Variants in UCHL1 observed in about 807,000 individuals in gnomAD.
The protein encoded by UCHL1 is ubiquitin carboxyl-terminal hydrolase isozyme L1.
UCHL1 carries 5 observed loss-of-function variants against 33.3 expected under a neutral mutation model. The observed-to-expected ratio is 0.15, with a 90% CI of 0.08 to 0.32. UCHL1 has a LOEUF of 0.32. Among genes scored for constraint, UCHL1 ranks in the 10% least tolerant of loss-of-function variants. The pLI, the probability that UCHL1 is intolerant of heterozygous loss-of-function variation, is 1.00. For missense variants in UCHL1, 236 were observed against 280.0 expected, an observed-to-expected ratio of 0.84 and a Z score of 1.12; for synonymous variants, 132 against 108.8, an observed-to-expected ratio of 1.21 and a Z score of -1.33.
intron 4 of UCHL1, 136 bp from the exon 5 acceptor site, chr4:41,261,579 C>T (rs1252606477): frequency 5.6e-6 from 5 of 896,086 alleles, no homozygotes; most frequent in Non-Finnish European, 8.7e-6. Context: ...GGAAAAGGTA[C>T]AGCTCATCCA....
intron 3 of UCHL1, among the ~76,000 whole-genome samples, chr4:41,257,968 G>C (rs754053576): frequency 3.0e-4 from 46 of 152,338 alleles, no homozygotes; most frequent in Admixed American, 6.5e-4. Flanking sequence ...TTGGAAGAGA[G>C]GCAGTATCTC....
chr4:41,262,587 C>T (rs991722297), intron 6 of UCHL1, among the ~76,000 whole-genome samples: 1 of 151,772 alleles, frequency 6.6e-6, no homozygotes, highest in African/African-American at 2.4e-5. Flanking sequence ...ATGAGAACCT[C>T]TGAGTCAGCT....
intron 3 of UCHL1, among the ~76,000 whole-genome samples, chr4:41,259,461 C>G (rs1389442716): frequency 2.9e-4 from 44 of 152,270 alleles, no homozygotes; most frequent in African/African-American, 1.0e-3. Context: ...TCAATGAATA[C>G]TAAGTTGAGG....
In UCHL1 at chr4:41,261,054, T is replaced by C. The variant is rs73232147; in HGVS notation, c.325+257T>C. On this transcript the variant is annotated intron_variant, in intron 4 of 8. Coordinates refer to ENST00000284440, the MANE Select transcript of UCHL1 (RefSeq NM_004181.5). The stretch of plus-strand genomic sequence containing the variant: ...CTTTTGAAATATACATTGTTATTGC[T>C]ATAGGTTTGTAATTAGTGTCTCTTA... Among the ~76,000 whole-genome samples, 1,306 of 152,334 alleles carry C rather than the reference T, an allele frequency of 8.6e-3. 18 individuals are homozygous for C. The highest frequency in any genetic ancestry group is 0.028 in the South Asian group (137 of 4,826).
Position 41,261,898 on chromosome 4 carries a change from C to G in UCHL1, c.434C>G (p.Ala145Gly), listed in dbSNP as rs1479660729. The change falls in exon 6 of 9, where the codon GCC (alanine) becomes GGC (glycine). Residue 145 changes from alanine (A) to glycine (G), a missense_variant. By Grantham distance (60) the Ala-to-Gly change is moderately conservative. Coordinates refer to ENST00000284440, the MANE Select transcript of UCHL1 (RefSeq NM_004181.5). ...CAGGCCATACAGGCAGCCCATGATG[C>G]CGTGGCACAGGAAGGCCAATGTCGG... is the stretch of plus-strand genomic sequence containing the variant. Reference protein sequence around the residue: ...KNEAIQAAHDAVAQEGQCRVD... With the variant: ...KNEAIQAAHDGVAQEGQCRVD... 1 of 1,614,080 alleles carries G rather than the reference C, an allele frequency of 6.2e-7. No homozygotes were observed. The highest frequency in any genetic ancestry group is 1.1e-5 in the South Asian group (1 of 91,074).
At position 41,264,268 on chromosome 4, in the gene UCHL1, G is replaced by T; in HGVS notation, c.585+107G>T. Reference sequence around the variant, plus strand: ...CCAGTATAGCCAGCATCAGTTGCCTGGGTTAATAGCAGTCTTTAGGGCTGC... The same window carrying T: ...CCAGTATAGCCAGCATCAGTTGCCTTGGTTAATAGCAGTCTTTAGGGCTGC... On this transcript the variant is annotated intron_variant, in intron 8 of 8. Coordinates refer to ENST00000284440, the MANE Select transcript of UCHL1 (RefSeq NM_004181.5). The T allele has an allele frequency of 4.2e-6, 6 of 1,415,118 alleles. No individual in the cohort carries two copies. The South Asian group carries it at 6.9e-5, about 16-fold the overall frequency. The allele number at this position is 1,415,118 out of a possible 1,614,324, so 87.7% of individuals were successfully genotyped here. A position where few individuals can be genotyped will look rare whatever the true frequency, so the allele number is the denominator to read the frequency against.
chr4:41,261,831 A>AT, intron 5 of UCHL1, 31 bp downstream of exon 5: 1 of 1,614,178 alleles, frequency 6.2e-7, no homozygotes, highest in Non-Finnish European at 8.5e-7. Flanking sequence ...TGGCCTTTAA[A>AT]TAACTCTAGA....
chr4:41,257,626 G>A lies in UCHL1; in HGVS notation c.63G>A (p.Gly21=), dbSNP rs1045884870. 9 of 1,555,474 alleles carry A rather than the reference G, an allele frequency of 5.8e-6. No homozygotes were observed. The highest frequency in any genetic ancestry group is 7.8e-6 in the Non-Finnish European group (9 of 1,156,176). ...CTCCGCAGGTGCTGTCCCGGCTGGGGGTCGCCGGCCAGTGGCGCTTCGTGG... is the reference window on the plus strand; with the variant it reads ...CTCCGCAGGTGCTGTCCCGGCTGGGAGTCGCCGGCCAGTGGCGCTTCGTGG... ...EMLNKVLSRL[G]VAGQWRFVDV... is the part of the protein sequence containing the mutation. Residue 21 remains glycine (G), a synonymous_variant, in exon 3 of 9, where the codon GGG becomes GGA. Transcript: ENST00000284440.
At chr4:41,263,517 T>G (rs954137968) in intron 7 of UCHL1, among the ~76,000 whole-genome samples, 1 of 151,974 alleles carries the variant, frequency 6.6e-6, no homozygotes, top group Non-Finnish European at 1.5e-5. Context: ...GGGCAAAGAG[T>G]ACGTCTGAAA....
intron 8 of UCHL1, among the ~76,000 whole-genome samples, chr4:41,267,105 G>C (rs1237514658): frequency 6.6e-6 from 1 of 152,088 alleles, no homozygotes; most frequent in East Asian, 1.9e-4. Context: ...AATAACACTG[G>C]GATCAGTTTC....
At chr4:41,258,574 G>A (rs1781021751) in intron 3 of UCHL1, among the ~76,000 whole-genome samples, 1 of 152,084 alleles carries the variant, frequency 6.6e-6, no homozygotes, top group Non-Finnish European at 1.5e-5. Flanking sequence ...TTAGCGCATG[G>A]CATTGTCTTA....
At chr4:41,264,799 A>G (rs1781126697) in intron 8 of UCHL1, among the ~76,000 whole-genome samples, 1 of 152,208 alleles carries the variant, frequency 6.6e-6, no homozygotes, top group Non-Finnish European at 1.5e-5. Flanking sequence ...ATAAAGGAAA[A>G]TTGCTTAATT....
Position 41,261,373 on chromosome 4 carries a change from C to A in UCHL1, c.326-342C>A, listed in dbSNP as rs1257071556. ...CCCCGGCTTTTATGGTGCTAGAAAT[C>A]TCAAATATGTTTTACAAATTAAGAA... On this transcript the variant is annotated intron_variant, in intron 4 of 8. Coordinates refer to ENST00000284440, the MANE Select transcript of UCHL1 (RefSeq NM_004181.5). Among the ~76,000 whole-genome samples the A allele has an allele frequency of 2.0e-5, 3 of 152,082 alleles. No individual in the cohort carries two copies. The East Asian group carries it at 5.8e-4, about 29-fold the overall frequency.
chr4:41,259,049 T>A (rs1020305852), intron 3 of UCHL1, among the ~76,000 whole-genome samples: 1 of 152,252 alleles, frequency 6.6e-6, no homozygotes, highest in African/African-American at 2.4e-5. Context: ...AAAAGCTGAC[T>A]GTTCTCCTTT....
At chr4:41,260,885 C>CTGTA (rs1247201471) in intron 4 of UCHL1, 88 bp downstream of exon 4, 2 of 1,583,338 alleles carry the variant, frequency 1.3e-6, no homozygotes, top group African/African-American at 2.7e-5. Flanking sequence ...GTCAGAGATG[C>CTGTA]TGTACCTTTT....
intron 6 of UCHL1, 145 bp downstream of exon 6, chr4:41,262,068 T>C: frequency 8.4e-7 from 1 of 1,186,742 alleles, no homozygotes; most frequent in Non-Finnish European, 1.2e-6. Flanking sequence ...CAAATAATGC[T>C]TTGACTAGAC....
At chr4:41,257,281 C>T in intron 2 of UCHL1, 155 bp downstream of exon 2, 2 of 1,255,248 alleles carry the variant, frequency 1.6e-6, no homozygotes, top group South Asian at 1.5e-5. Flanking sequence ...TTCCTGGGCC[C>T]CTGCATTTAG....
chr4:41,261,347 G>C (rs1781065498), intron 4 of UCHL1, among the ~76,000 whole-genome samples: 1 of 152,174 alleles, frequency 6.6e-6, no homozygotes, highest in African/African-American at 2.4e-5. Flanking sequence ...AAACAAGGCA[G>C]CCCCGGCTTT....
intron 3 of UCHL1, among the ~76,000 whole-genome samples, 182 bp downstream of exon 3, chr4:41,257,919 T>C (rs1781009408): frequency 6.6e-6 from 1 of 152,210 alleles, no homozygotes; most frequent in Admixed American, 6.5e-5. Flanking sequence ...CAGCGGTGCC[T>C]GTCGCCTTCT....
Sources: gnomAD v4.1 joint callset for allele counts (sites outside exome capture counted in the v4.1 genomes callset) on GRCh38, gnomAD v4.1.1 for gene constraint, MANE v1.5 for transcripts, NCBI Gene and HGNC (gene_info 2026-07-23, HGNC 2026-07-21) for gene names.